The following CUL1 variants were observed in gnomAD, a reference collection of about 807,000 sequenced individuals.
The protein encoded by CUL1 is cullin 1, also known as cullin-1.
A neutral mutation model predicts 118.0 loss-of-function variants in CUL1; 24 were observed. That is an observed-to-expected ratio of 0.20 (90% CI 0.15 to 0.29). The LOEUF (loss-of-function observed/expected upper bound fraction) is 0.29. Ranked by LOEUF, CUL1 falls within the 10% of genes least tolerant of loss-of-function variation. The probability of loss-of-function intolerance (pLI) is 1.00; values close to 1 mark genes in which losing one functional copy is unlikely to be tolerated. For missense variants in CUL1, 361 were observed against 933.8 expected, an observed-to-expected ratio of 0.39 and a Z score of 7.99; for synonymous variants, 332 against 340.4, an observed-to-expected ratio of 0.98 and a Z score of 0.27.
chr7:148,759,439 G>A (rs1024691947), intron 5 of CUL1, 85 bp downstream of exon 5: 66 of 1,474,762 alleles, frequency 4.5e-5, no homozygotes, highest in Admixed American at 6.8e-5. Context: ...TCACTCCTTC[G>A]GATTATCCCA....
chr7:148,735,636 T>C (rs527948473), intron 2 of CUL1, among the ~76,000 whole-genome samples: 1 of 152,382 alleles, frequency 6.6e-6, no homozygotes, highest in African/African-American at 2.4e-5. Context: ...CTTTTCATCT[T>C]GCACTCTTAA....
chr7:148,744,594 A>C (rs1799250252), intron 2 of CUL1, among the ~76,000 whole-genome samples: 1 of 152,020 alleles, frequency 6.6e-6, no homozygotes, highest in South Asian at 2.1e-4. Context: ...CCTTTATATT[A>C]CCTCTACATA....
chr7:148,730,512 C>T (rs992838670), intron 2 of CUL1, among the ~76,000 whole-genome samples: 32 of 152,102 alleles, frequency 2.1e-4, no homozygotes, highest in African/African-American at 7.2e-4. Flanking sequence ...TTTAAAGTTC[C>T]TTAGGCACAC....
At chr7:148,705,341 C>G (rs139356433) in intron 1 of CUL1, among the ~76,000 whole-genome samples, 2 of 152,188 alleles carry the variant, frequency 1.3e-5, no homozygotes, top group African/African-American at 2.4e-5. Context: ...TGTCATTATG[C>G]TTAAGATAAG....
intron 9 of CUL1, among the ~76,000 whole-genome samples, chr7:148,783,091 T>C (rs1265458544): frequency 1.3e-5 from 2 of 152,092 alleles, no homozygotes; most frequent in African/African-American, 4.8e-5. Context: ...GCAGCAGCGC[T>C]GTTTTTCTCA....
At chr7:148,734,416 G>T (rs1355026195) in intron 2 of CUL1, among the ~76,000 whole-genome samples, 1 of 152,096 alleles carries the variant, frequency 6.6e-6, no homozygotes, top group African/African-American at 2.4e-5. Flanking sequence ...TCTAATTTTT[G>T]TATTTTTTGT....
chr7:148,746,836 T>A (rs1265445542), intron 2 of CUL1, among the ~76,000 whole-genome samples: 1 of 152,230 alleles, frequency 6.6e-6, no homozygotes, highest in African/African-American at 2.4e-5. Context: ...ATTGATGTCT[T>A]AGCTGAAATG....
intron 2 of CUL1, among the ~76,000 whole-genome samples, chr7:148,748,653 T>C (rs969667702): frequency 1.3e-5 from 2 of 152,172 alleles, no homozygotes; most frequent in Non-Finnish European, 2.9e-5. Flanking sequence ...GTTGACCAGC[T>C]CTAATGGGTC....
chr7:148,750,208 G>A (rs1799441599), intron 2 of CUL1, among the ~76,000 whole-genome samples: 1 of 152,058 alleles, frequency 6.6e-6, no homozygotes, highest in South Asian at 2.1e-4. Flanking sequence ...AGAAAATCTA[G>A]GATCATTGAT....
At chr7:148,750,231 G>T (rs372119150) in intron 2 of CUL1, among the ~76,000 whole-genome samples, 5 of 151,886 alleles carry the variant, frequency 3.3e-5, no homozygotes, top group Admixed American at 3.3e-4. Flanking sequence ...AGGTGGCTGC[G>T]TAAGCAACAG....
chr7:148,725,215 G>A (rs1166191341), intron 1 of CUL1, among the ~76,000 whole-genome samples: 2,075 of 69,032 alleles, frequency 0.03, 61 homozygotes, highest in African/African-American at 0.11. Flanking sequence ...ACACACACGC[G>A]CGCGCTCACA....
chr7:148,713,231 A>G (rs945464741), intron 1 of CUL1, among the ~76,000 whole-genome samples: 1 of 152,218 alleles, frequency 6.6e-6, no homozygotes, highest in African/African-American at 2.4e-5. Flanking sequence ...GCATGATTTA[A>G]TCTAGGTAAT....
At chr7:148,781,322 CT>C (rs940650333) in intron 9 of CUL1, among the ~76,000 whole-genome samples, 1 of 152,068 alleles carries the variant, frequency 6.6e-6, no homozygotes, top group African/African-American at 2.4e-5. Flanking sequence ...ACGTCATGAT[CT>C]GCCCGCCTAC....
At chr7:148,797,156 C>A (rs996314936) in intron 17 of CUL1, among the ~76,000 whole-genome samples, 1 of 152,176 alleles carries the variant, frequency 6.6e-6, no homozygotes, top group African/African-American at 2.4e-5. Context: ...AGGTCGCCTG[C>A]CGCTGAGCCC....
At chr7:148,750,611 C>T (rs368670925) in intron 2 of CUL1, among the ~76,000 whole-genome samples, 4 of 152,120 alleles carry the variant, frequency 2.6e-5, no homozygotes, top group South Asian at 4.1e-4. Context: ...CATCCATGTC[C>T]GTGGTAAAGA....
At chr7:148,709,966 C>T (rs1309021927) in intron 1 of CUL1, among the ~76,000 whole-genome samples, 1 of 151,864 alleles carries the variant, frequency 6.6e-6, no homozygotes, top group Non-Finnish European at 1.5e-5. Flanking sequence ...ACCTGTGGTC[C>T]CAGCTACTTG....
intron 1 of CUL1, among the ~76,000 whole-genome samples, chr7:148,704,771 T>G (rs1466364773): frequency 6.6e-6 from 1 of 152,198 alleles, no homozygotes; most frequent in Non-Finnish European, 1.5e-5. Context: ...ATTGATTGTC[T>G]CTGAGCAGTG....
chr7:148,795,655 A>G (rs1801168781), intron 17 of CUL1, among the ~76,000 whole-genome samples: 2 of 151,856 alleles, frequency 1.3e-5, no homozygotes, highest in Non-Finnish European at 1.5e-5. Flanking sequence ...CTGTAGTCCC[A>G]GCTACTCGGG....
chr7:148,768,229 A>T (rs542543160), intron 9 of CUL1, among the ~76,000 whole-genome samples: 2 of 151,894 alleles, frequency 1.3e-5, no homozygotes, highest in Admixed American at 1.3e-4. Flanking sequence ...TATTCCTGCT[A>T]GGTCATCTGT....
Sources: gnomAD v4.1 joint callset for allele counts (sites outside exome capture counted in the v4.1 genomes callset) on GRCh38, gnomAD v4.1.1 for gene constraint, MANE v1.5 for transcripts, NCBI Gene and HGNC (gene_info 2026-07-23, HGNC 2026-07-21) for gene names.